HSD17B4: variants seen among roughly 807,000 people sequenced by gnomAD.
HSD17B4 encodes hydroxysteroid 17-beta dehydrogenase 4, also known as peroxisomal multifunctional enzyme type 2.
A neutral mutation model predicts 101.0 loss-of-function variants in HSD17B4; 70 were observed. The observed-to-expected ratio is 0.69, with a 90% CI of 0.57 to 0.85. HSD17B4 has a LOEUF of 0.85. Among genes scored for constraint, HSD17B4 ranks in the 40% least tolerant of loss-of-function variants. HSD17B4 has a pLI of 0.00. For synonymous variants in HSD17B4, 347 were observed against 297.1 expected, an observed-to-expected ratio of 1.17 and a Z score of -1.73; for missense variants, 984 against 892.4, an observed-to-expected ratio of 1.10 and a Z score of -1.31.
At position 119,458,627 on chromosome 5, in the gene HSD17B4, A is replaced by G. The variant is rs920178205; in HGVS notation, c.112+2259A>G. 4.6e-5 allele frequency among the ~76,000 whole-genome samples: 7 copies of G among 152,008 alleles called. 1 individual carries two copies. Among genetic ancestry groups the G allele is most frequent in the African/African-American group, 1.7e-4 (7 of 41,370 alleles). On this transcript the variant is annotated intron_variant, in intron 2 of 23. Transcript: ENST00000510025. ...ACTTCTACCGACATTTCATTGGCCA[A>G]AGGAAATCATTTGGCTAAGCCAAAA...
chr5:119,493,838 G>A lies in HSD17B4; in HGVS notation c.760G>A (p.Gly254Arg). 1 of 1,612,954 alleles carries A rather than the reference G, an allele frequency of 6.2e-7. No individual in the cohort carries two copies. The highest frequency in any genetic ancestry group is 1.1e-5 in the South Asian group (1 of 91,060). The change falls in exon 11 of 24, where the codon GGA becomes AGA. Residue 254 changes from glycine to arginine, a missense_variant. Gly to Arg is a moderately radical substitution (Grantham distance 125, BLOSUM62 -2). Coordinates refer to ENST00000510025, the MANE Select transcript of HSD17B4 (RefSeq NM_000414.4). ...IGKLRWERTL[G>R]AIVRQKNHPM... ...ACCAGTACGCTGGGAGCGGACTCTT[G>A]GAGCTATTGTAAGACAAAAGAATCA...
At chr5:119,467,404 A>G (rs1755917265) in intron 2 of HSD17B4, among the ~76,000 whole-genome samples, 1 of 152,184 alleles carries the variant, frequency 6.6e-6, no homozygotes, top group Admixed American at 6.5e-5. Flanking sequence ...GTTCCCAACT[A>G]TTATTGTGTT....
rs10524491 is a variant in HSD17B4 at position 119,462,248 on chromosome 5, A to ATTTTTTTTTTTTTTTTTTTTTTTT, written c.112+5892_112+5915dup. On this transcript the variant is annotated intron_variant, in intron 2 of 23. Coordinates refer to ENST00000510025, the MANE Select transcript of HSD17B4 (RefSeq NM_000414.4). The stretch of plus-strand genomic sequence containing the variant: ...TTCATATCCTCCCCCAACAAATGTG[A>ATTTTTTTTTTTTTTTTTTTTTTTT]TTTTTTTTTTTTTTTTTTTTTTTTT... Among the ~76,000 whole-genome samples the ATTTTTTTTTTTTTTTTTTTTTTTT allele has an allele frequency of 6.7e-5, 2 of 30,010 alleles. 1 individual carries two copies. The highest frequency in any genetic ancestry group is 1.9e-4 in the African/African-American group (2 of 10,332). 19.7% of individuals were successfully genotyped at this position (30,010 alleles called of 152,430 possible).
chr5:119,458,597 A>G (rs1336385164), intron 2 of HSD17B4, among the ~76,000 whole-genome samples: 2 of 150,450 alleles, frequency 1.3e-5, no homozygotes, highest in Non-Finnish European at 3.0e-5. Flanking sequence ...TAGAAGTGGC[A>G]TGTCACTTCT....
At position 119,452,502 on chromosome 5, in the gene HSD17B4, C is replaced by G; in HGVS notation, c.-74C>G. On this transcript the variant is annotated 5_prime_UTR_variant, in exon 1 of 24. Transcript: ENST00000510025. ...ACCCTCGTCCCGCCCCCGCCATTCC[C>G]CGCCTCCTCCTGTCCCGCAGTCGGC... 1 of 1,611,576 alleles carries G rather than the reference C, an allele frequency of 6.2e-7. No individual in the cohort carries two copies. Among genetic ancestry groups the G allele is most frequent in the Non-Finnish European group, 8.5e-7 (1 of 1,179,038 alleles).
chr5:119,500,259 G>A (rs1751035646), intron 13 of HSD17B4, among the ~76,000 whole-genome samples: 1 of 152,024 alleles, frequency 6.6e-6, no homozygotes, highest in East Asian at 1.9e-4. Flanking sequence ...GAAAAGAGGA[G>A]TCAAGGATGA....
intron 8 of HSD17B4, among the ~76,000 whole-genome samples, chr5:119,480,798 C>T (rs894088140): frequency 9.9e-5 from 15 of 151,932 alleles, no homozygotes; most frequent in Admixed American, 2.6e-4. Flanking sequence ...AGGTACGCCC[C>T]GGGGGGGCCA....
At chr5:119,499,200 C>T (rs1174321745) in intron 12 of HSD17B4, 117 bp from the exon 13 acceptor site, 2 of 698,360 alleles carry the variant, frequency 2.9e-6, no homozygotes, top group Non-Finnish European at 5.1e-6. Flanking sequence ...AATTATGCTC[C>T]ATCAAATTCA....
At chr5:119,529,008 T>C (rs915852699) in intron 20 of HSD17B4, among the ~76,000 whole-genome samples, 1 of 152,138 alleles carries the variant, frequency 6.6e-6, no homozygotes, top group Admixed American at 6.6e-5. Context: ...AATAAAGTAA[T>C]TTACTGAAGT....
chr5:119,494,945 G>A (rs1161822770), intron 11 of HSD17B4, among the ~76,000 whole-genome samples: 1 of 152,060 alleles, frequency 6.6e-6, no homozygotes, highest in Non-Finnish European at 1.5e-5. Context: ...AAAAGATCAT[G>A]AGTCAGGGTC....
In HSD17B4 at chr5:119,493,829, C is replaced by T. The variant is rs771780974; in HGVS notation, c.751C>T (p.Arg251Trp). 17 of 1,612,552 alleles carry T rather than the reference C, an allele frequency of 1.1e-5. No individual in the cohort carries two copies. Among genetic ancestry groups the T allele is most frequent in the South Asian group, 6.6e-5 (6 of 91,066 alleles). Reference protein sequence around the residue: ...AGWIGKLRWERTLGAIVRQKN... With the variant: ...AGWIGKLRWEWTLGAIVRQKN... ...GTTTCTATAACCAGTACGCTGGGAG[C>T]GGACTCTTGGAGCTATTGTAAGACA... Residue 251 changes from arginine (R) to tryptophan (W), a missense_variant, in exon 11 of 24, where the codon CGG becomes TGG. Transcript: ENST00000510025.
At chr5:119,458,185 C>A (rs1416276283) in intron 2 of HSD17B4, among the ~76,000 whole-genome samples, 1 of 152,022 alleles carries the variant, frequency 6.6e-6, no homozygotes, top group African/African-American at 2.4e-5. Flanking sequence ...AATGAAGAGC[C>A]AGATTTAGTT....
chr5:119,496,292 A>T (rs547463186), intron 11 of HSD17B4, among the ~76,000 whole-genome samples: 2 of 152,196 alleles, frequency 1.3e-5, no homozygotes, highest in African/African-American at 4.8e-5. Context: ...TTAGAATCAG[A>T]TAACCAGGGA....
intron 4 of HSD17B4, 102 bp downstream of exon 4, chr5:119,474,562 C>G: frequency 1.3e-6 from 1 of 780,284 alleles, no homozygotes; most frequent in Admixed American, 1.8e-5. Flanking sequence ...CCTCTTTCCT[C>G]ATAATCACAT....
chr5:119,497,605 C>T (rs1177219608), intron 12 of HSD17B4, among the ~76,000 whole-genome samples: 23 of 152,088 alleles, frequency 1.5e-4, no homozygotes. Flanking sequence ...ACCTAATGCC[C>T]ATAAGGCTTT....
At chr5:119,500,752 T>C (rs1475370563) in intron 13 of HSD17B4, among the ~76,000 whole-genome samples, 2 of 151,964 alleles carry the variant, frequency 1.3e-5, no homozygotes, top group Non-Finnish European at 2.9e-5. Context: ...TGCACAGGAA[T>C]GGTTGGTGAG....
chr5:119,493,676 G>T, intron 10 of HSD17B4, 142 bp from the exon 11 acceptor site: 2 of 742,656 alleles, frequency 2.7e-6, no homozygotes, highest in Non-Finnish European at 2.2e-6. Flanking sequence ...TTCATTTTAA[G>T]GCTTATGGTA....
At chr5:119,491,649 C>T (rs1286935170) in intron 9 of HSD17B4, among the ~76,000 whole-genome samples, 2 of 151,998 alleles carry the variant, frequency 1.3e-5, no homozygotes, top group Non-Finnish European at 1.5e-5. Context: ...CTTTGGTTTT[C>T]TTTGTAATTC....
chr5:119,540,880 A>G (rs940038916), intron 23 of HSD17B4, among the ~76,000 whole-genome samples: 1 of 152,124 alleles, frequency 6.6e-6, no homozygotes, highest in African/African-American at 2.4e-5. Context: ...TCTGAAATTC[A>G]GTTTCTCATC....
Sources: allele counts gnomAD v4.1 joint callset (sites outside exome capture counted in the v4.1 genomes callset), GRCh38; gene constraint gnomAD v4.1.1; transcripts MANE v1.5; gene names NCBI Gene and HGNC (gene_info 2026-07-23, HGNC 2026-07-21).